The following TMEM132D variants were observed in gnomAD, a reference collection of about 807,000 sequenced individuals.
The protein encoded by TMEM132D is transmembrane protein 132D, also known as mature OL transmembrane protein.
A neutral mutation model predicts 62.3 loss-of-function variants in TMEM132D; 21 were observed. That is an observed-to-expected ratio of 0.34 (90% CI 0.24 to 0.49). TMEM132D has a LOEUF of 0.49. Among genes scored for constraint, TMEM132D ranks in the 20% least tolerant of loss-of-function variants. The pLI is 0.99. For synonymous variants in TMEM132D, 621 were observed against 575.6 expected (o/e 1.08, Z -1.13); for missense variants, 1,346 against 1,402.8 (o/e 0.96, Z 0.65).
chr12:129,241,654 T>C (rs1879940871), intron 4 of TMEM132D, among the ~76,000 whole-genome samples: 1 of 152,240 alleles, frequency 6.6e-6, no homozygotes, highest in Admixed American at 6.5e-5. Context: ...ATAGTTCTTC[T>C]GGTTTTATAT....
chr12:129,097,062 C>T (rs745852000), intron 5 of TMEM132D, among the ~76,000 whole-genome samples: 14 of 152,246 alleles, frequency 9.2e-5, no homozygotes, highest in Non-Finnish European at 1.9e-4. Flanking sequence ...GCTCTTGCCA[C>T]GTGCCAGGTG....
At chr12:129,833,575 T>C (rs1210043352) in intron 1 of TMEM132D, among the ~76,000 whole-genome samples, 2 of 152,184 alleles carry the variant, frequency 1.3e-5, no homozygotes, top group African/African-American at 4.8e-5. Context: ...CTGTGAGCTG[T>C]GATCACGCCA....
intron 2 of TMEM132D, among the ~76,000 whole-genome samples, chr12:129,647,944 G>T (rs1043344822): frequency 6.6e-6 from 1 of 152,170 alleles, no homozygotes; most frequent in African/African-American, 2.4e-5. Flanking sequence ...GGCATAGGCT[G>T]CACTAACTTT....
intron 2 of TMEM132D, among the ~76,000 whole-genome samples, chr12:129,622,221 AAGCCCCACTCGTCCACT>A (rs1879091617): frequency 6.6e-6 from 1 of 152,208 alleles, no homozygotes; most frequent in Admixed American, 6.5e-5. Flanking sequence ...AAGAGTCCAC[AAGCCCCACTCGTCCACT>A]AGCCCCACAG....
intron 3 of TMEM132D, among the ~76,000 whole-genome samples, chr12:129,503,152 T>C (rs2137068710): frequency 6.6e-6 from 1 of 152,360 alleles, no homozygotes; most frequent in Admixed American, 6.5e-5. Flanking sequence ...AGATTCTTGT[T>C]ACAGCTGACA....
chr12:129,337,885 T>C, intron 3 of TMEM132D, 68 bp from the exon 4 acceptor site: 1 of 1,497,726 alleles, frequency 6.7e-7, no homozygotes, highest in Non-Finnish European at 8.9e-7. Flanking sequence ...TGGCAGAGAG[T>C]GGGCGGCCCT....
chr12:129,528,872 A>C (rs1876134176), intron 3 of TMEM132D, among the ~76,000 whole-genome samples: 1 of 152,230 alleles, frequency 6.6e-6, no homozygotes, highest in Non-Finnish European at 1.5e-5. Context: ...TTCCTCATTA[A>C]GCAAAGCCTT....
intron 3 of TMEM132D, among the ~76,000 whole-genome samples, chr12:129,457,777 A>C (rs1873523932): frequency 6.6e-6 from 1 of 152,074 alleles, no homozygotes; most frequent in African/African-American, 2.4e-5. Flanking sequence ...ACTTGCAAAC[A>C]ACCAGATCTC....
At chr12:129,086,476 C>T (rs1192455122) in intron 5 of TMEM132D, among the ~76,000 whole-genome samples, 1 of 152,106 alleles carries the variant, frequency 6.6e-6, no homozygotes, top group Non-Finnish European at 1.5e-5. Flanking sequence ...TTAGCTCCCA[C>T]TTATAAGTAA....
At chr12:129,872,834 C>A (rs78639897) in intron 1 of TMEM132D, among the ~76,000 whole-genome samples, 2,368 of 152,240 alleles carry the variant, frequency 0.016, 56 homozygotes, top group African/African-American at 0.054. Context: ...AAAACATGTA[C>A]CTCATGCAAG....
At chr12:129,347,753 T>C (rs1209214293) in intron 3 of TMEM132D, among the ~76,000 whole-genome samples, 2 of 151,978 alleles carry the variant, frequency 1.3e-5, no homozygotes, top group African/African-American at 2.4e-5. Flanking sequence ...CAAGAGAAAC[T>C]ATCATTAGAG....
intron 3 of TMEM132D, among the ~76,000 whole-genome samples, chr12:129,356,931 AGAGGGGAGGGGAGGGGAGGG>A (rs766252229): frequency 1.9e-5 from 1 of 51,958 alleles, no homozygotes; most frequent in Admixed American, 2.3e-4. Context: ...AGAGGAGAGG[AGAGGGGAGGGGAGGGGAGGG>A]GAGGGGAGGG....
intron 5 of TMEM132D, among the ~76,000 whole-genome samples, chr12:129,184,150 G>A (rs1878154777): frequency 6.6e-6 from 1 of 152,160 alleles, no homozygotes; most frequent in Non-Finnish European, 1.5e-5. Context: ...TCACCACCAA[G>A]TCTGCAGTTT....
intron 1 of TMEM132D, among the ~76,000 whole-genome samples, chr12:129,880,633 C>G (rs78326892): frequency 6.6e-6 from 1 of 152,032 alleles, no homozygotes; most frequent in Non-Finnish European, 1.5e-5. Context: ...TTACACCACA[C>G]GCGAAGTAGT....
Position 129,591,831 on chromosome 12 carries a change from A to G in TMEM132D, c.969-60626T>C, listed in dbSNP as rs559952574. ...AGTTTGAGAGTGTAGGACATGATGC[A>G]TATTTAAATGGATAATTCTGACTAC... On this transcript the variant is annotated intron_variant, in intron 2 of 8. Transcript: ENST00000422113. Among the ~76,000 whole-genome samples, 3 of 152,302 alleles carry G rather than the reference A, an allele frequency of 2.0e-5. No homozygotes were observed. In the South Asian group the frequency reaches 6.2e-4, roughly 32 times the overall value.
chr12:129,531,693 G>C (rs1451210882), intron 2 of TMEM132D, among the ~76,000 whole-genome samples: 1 of 152,112 alleles, frequency 6.6e-6, no homozygotes, highest in Non-Finnish European at 1.5e-5. Context: ...CAAAATGAGG[G>C]GGCTGAGGTT....
At chr12:129,275,594 T>G (rs759581620) in intron 4 of TMEM132D, among the ~76,000 whole-genome samples, 1 of 152,260 alleles carries the variant, frequency 6.6e-6, no homozygotes, top group East Asian at 1.9e-4. Flanking sequence ...AGATACCAGG[T>G]AGCCCAGACA....
rs978494210 is a variant in TMEM132D at position 129,327,368 on chromosome 12, C to A, written c.1299+10266G>T. On this transcript the variant is annotated intron_variant, in intron 4 of 8. Transcript: ENST00000422113. Reference sequence around the variant, plus strand: ...ATGTGAATTTCCCTGATCCCCCCAGCCAAACTTTTAGATACTGTCTAACCT... The same window carrying A: ...ATGTGAATTTCCCTGATCCCCCCAGACAAACTTTTAGATACTGTCTAACCT... Among the ~76,000 whole-genome samples, 5 of 152,288 alleles carry A rather than the reference C, an allele frequency of 3.3e-5. No homozygotes were observed. In the South Asian group the frequency reaches 1.0e-3, roughly 32 times the overall value.
chr12:129,430,692 T>C (rs1872630254), intron 3 of TMEM132D, among the ~76,000 whole-genome samples: 1 of 152,136 alleles, frequency 6.6e-6, no homozygotes, highest in South Asian at 2.1e-4. Flanking sequence ...AGAGGGTTGA[T>C]TATGAGAATT....
Sources: allele counts gnomAD v4.1 joint callset (sites outside exome capture counted in the v4.1 genomes callset), GRCh38; gene constraint gnomAD v4.1.1; transcripts MANE v1.5; gene names NCBI Gene and HGNC (gene_info 2026-07-23, HGNC 2026-07-21).